The following CACNA2D3 variants were observed in gnomAD, a reference collection of about 807,000 sequenced individuals.
The protein encoded by CACNA2D3 is calcium voltage-gated channel auxiliary subunit alpha2delta 3, also known as voltage-dependent calcium channel subunit alpha-2/delta-3.
In CACNA2D3, 60 loss-of-function variants were observed where a neutral mutation model predicts 160.6. The ratio of observed to expected loss-of-function variants is 0.37; its 90% CI spans 0.30 to 0.46. The LOEUF (loss-of-function observed/expected upper bound fraction) is 0.46. Among genes scored for constraint, CACNA2D3 ranks in the 20% least tolerant of loss-of-function variants. The probability of loss-of-function intolerance (pLI) is 1.00; values close to 1 mark genes in which losing one functional copy is unlikely to be tolerated. For missense variants in CACNA2D3, 1,205 were observed against 1,365.0 expected (o/e 0.88, Z 1.85); for synonymous variants, 558 against 492.9 (o/e 1.13, Z -1.75).
At chr3:54,179,382 C>A (rs1165530726) in intron 2 of CACNA2D3, among the ~76,000 whole-genome samples, 2 of 152,088 alleles carry the variant, frequency 1.3e-5, no homozygotes, top group African/African-American at 4.8e-5. Context: ...TGCAGGAATT[C>A]TGTTGCTACT....
At chr3:54,836,296 A>ACTAT (rs1228026315) in intron 14 of CACNA2D3, among the ~76,000 whole-genome samples, 1 of 142,960 alleles carries the variant, frequency 7.0e-6, no homozygotes, top group African/African-American at 2.7e-5. Context: ...GTGCAGTGGC[A>ACTAT]CTATCTCGGC....
At chr3:54,351,043 G>A (rs76240051) in intron 3 of CACNA2D3, among the ~76,000 whole-genome samples, 2,635 of 135,048 alleles carry the variant, frequency 0.02, 79 homozygotes, top group African/African-American at 0.07. Context: ...GGCTGGAGGC[G>A]CGATCTCGGC....
At chr3:54,594,453 T>C (rs1451615851) in intron 9 of CACNA2D3, among the ~76,000 whole-genome samples, 1 of 152,208 alleles carries the variant, frequency 6.6e-6, no homozygotes, top group South Asian at 2.1e-4. Context: ...AACATTAGCA[T>C]CAGGTTAAAA....
chr3:54,550,577 A>C (rs1216536710), intron 5 of CACNA2D3, among the ~76,000 whole-genome samples: 1 of 152,224 alleles, frequency 6.6e-6, no homozygotes, highest in Non-Finnish European at 1.5e-5. Flanking sequence ...AATGGCTTGA[A>C]GGGATTGCAT....
intron 14 of CACNA2D3, among the ~76,000 whole-genome samples, chr3:54,822,176 A>G (rs1703617743): frequency 6.6e-6 from 1 of 152,116 alleles, no homozygotes; most frequent in Non-Finnish European, 1.5e-5. Context: ...TACTTTTTAT[A>G]TGCATTCCCA....
chr3:54,948,419 T>G (rs1701670295), intron 27 of CACNA2D3, among the ~76,000 whole-genome samples: 1 of 152,234 alleles, frequency 6.6e-6, no homozygotes, highest in South Asian at 2.1e-4. Flanking sequence ...GGCATATATG[T>G]GTTTGCCTTC....
At chr3:54,462,269 G>A (rs1700520680) in intron 4 of CACNA2D3, among the ~76,000 whole-genome samples, 1 of 152,220 alleles carries the variant, frequency 6.6e-6, no homozygotes, top group Non-Finnish European at 1.5e-5. Context: ...TTGTGGTGGA[G>A]TGTTCTGTAG....
intron 2 of CACNA2D3, among the ~76,000 whole-genome samples, chr3:54,234,428 C>T (rs1701836355): frequency 6.6e-6 from 1 of 152,182 alleles, no homozygotes; most frequent in Non-Finnish European, 1.5e-5. Flanking sequence ...ATTAGTTCAA[C>T]TATTGTGGAA....
chr3:54,847,691 A>G (rs1698965932), intron 17 of CACNA2D3, among the ~76,000 whole-genome samples: 1 of 152,236 alleles, frequency 6.6e-6, no homozygotes, highest in Non-Finnish European at 1.5e-5. Flanking sequence ...TGAATTAACT[A>G]GTTGGCTAAT....
chr3:54,553,284 A>G (rs1702189362), intron 5 of CACNA2D3, among the ~76,000 whole-genome samples: 1 of 152,232 alleles, frequency 6.6e-6, no homozygotes, highest in African/African-American at 2.4e-5. Context: ...TTAATCTATG[A>G]TCTACTTAGA....
chr3:54,825,989 T>G (rs944360272), intron 14 of CACNA2D3, among the ~76,000 whole-genome samples: 4 of 152,208 alleles, frequency 2.6e-5, no homozygotes, highest in African/African-American at 9.6e-5. Context: ...TCTTTACTTT[T>G]TGGCAAAATT....
intron 11 of CACNA2D3, among the ~76,000 whole-genome samples, chr3:54,689,509 A>G (rs1211566076): frequency 6.6e-6 from 1 of 152,068 alleles, no homozygotes. Flanking sequence ...TCTAATGGGC[A>G]TCTCAGACTT....
chr3:54,350,693 C>A (rs924230834), intron 3 of CACNA2D3, among the ~76,000 whole-genome samples: 15 of 152,192 alleles, frequency 9.9e-5, no homozygotes, highest in Non-Finnish European at 2.1e-4. Flanking sequence ...TTGCTCACAA[C>A]CCAGGCAAAT....
intron 2 of CACNA2D3, among the ~76,000 whole-genome samples, chr3:54,313,785 A>T (rs1222841647): frequency 1.3e-5 from 2 of 149,036 alleles, no homozygotes; most frequent in Middle Eastern, 3.2e-3. Context: ...GTTCTGCAAG[A>T]TAGGAGTCAC....
intron 35 of CACNA2D3, among the ~76,000 whole-genome samples, chr3:55,022,495 T>C (rs1179950897): frequency 6.6e-6 from 1 of 152,012 alleles, no homozygotes; most frequent in African/African-American, 2.4e-5. Context: ...TTTTATATGC[T>C]CTTATTCCTC....
chr3:54,520,757 A>G (rs34872098), intron 5 of CACNA2D3, among the ~76,000 whole-genome samples: 6,400 of 152,288 alleles, frequency 0.042, 178 homozygotes, highest in Non-Finnish European at 0.063. Context: ...CTCTTTGGCT[A>G]TCGTTCCCTT....
intron 35 of CACNA2D3, among the ~76,000 whole-genome samples, chr3:55,062,061 A>C (rs546943082): frequency 1.3e-5 from 2 of 152,192 alleles, no homozygotes; most frequent in Non-Finnish European, 2.9e-5. Flanking sequence ...ACTATATTCT[A>C]TGAAACCCAT....
chr3:54,514,105 C>G (rs1236389660), intron 5 of CACNA2D3, among the ~76,000 whole-genome samples: 1 of 152,208 alleles, frequency 6.6e-6, no homozygotes, highest in East Asian at 1.9e-4. Context: ...TACATAAACA[C>G]TTCCAATTTC....
intron 2 of CACNA2D3, among the ~76,000 whole-genome samples, chr3:54,137,266 C>T (rs1159308587): frequency 6.6e-6 from 1 of 152,148 alleles, no homozygotes; most frequent in African/African-American, 2.4e-5. Flanking sequence ...CCAAAGGTAC[C>T]CACATACACG....
Sources: allele counts gnomAD v4.1 joint callset (sites outside exome capture counted in the v4.1 genomes callset), GRCh38; gene constraint gnomAD v4.1.1; transcripts MANE v1.5; gene names NCBI Gene and HGNC (gene_info 2026-07-23, HGNC 2026-07-21).